Variants in PPP1R1C observed in about 807,000 individuals in gnomAD.
PPP1R1C encodes the protein protein phosphatase 1 regulatory subunit 1C.
PPP1R1C carries 15 observed loss-of-function variants against 17.4 expected under a neutral mutation model. The ratio of observed to expected loss-of-function variants is 0.86; its 90% confidence interval spans 0.58 to 1.33. The LOEUF is 1.33. Ranked by LOEUF, PPP1R1C falls within the 40% of genes most tolerant of loss-of-function variation. The probability of loss-of-function intolerance (pLI) is 0.00; values close to 1 mark genes in which losing one functional copy is unlikely to be tolerated. For missense variants in PPP1R1C, 143 were observed against 130.0 expected, an observed-to-expected ratio of 1.10 and a Z score of -0.48; for synonymous variants, 35 against 43.1, an observed-to-expected ratio of 0.81 and a Z score of 0.73.
chr2:182,055,988 GTCTT>G (rs1418921450), intron 2 of PPP1R1C, among the ~76,000 whole-genome samples: 2 of 152,002 alleles, frequency 1.3e-5, no homozygotes, highest in African/African-American at 2.4e-5. Flanking sequence ...ATGTTCTTGA[GTCTT>G]TCTTTATTCA....
At chr2:181,959,969 T>C (rs932297411) in intron 1 of PPP1R1C, among the ~76,000 whole-genome samples, 5 of 152,228 alleles carry the variant, frequency 3.3e-5, no homozygotes, top group African/African-American at 1.2e-4. Context: ...ATTAGGCTTT[T>C]ATTAGATGGC....
chr2:181,961,129 C>T lies in PPP1R1C; in HGVS notation n.111+6495C>T. ...GCAGTTTTCTTGTCTTCCTTCCCTC[C>T]CTTCCTTCCTTCCTTTCACCTCTGA... On this transcript the variant is annotated intron_variant and non_coding_transcript_variant, in intron 1 of 5. Transcript: ENST00000464264. This position sits in a 1 kb window ranked among gnomAD's most constrained non-coding sequence, Gnocchi z 5.8. 1.9e-6 allele frequency: 1 copy of T among 538,744 alleles called. No individual in the cohort carries two copies. Among genetic ancestry groups the T allele is most frequent in the Non-Finnish European group, 3.4e-6 (1 of 296,714 alleles). The allele number at this position is 538,744 out of a possible 1,614,324, so 33.4% of individuals were successfully genotyped here.
rs534882456 is a variant in PPP1R1C at position 182,063,681 on chromosome 2, G to A, written c.181-50G>A. 747 of 1,422,636 alleles carry A rather than the reference G, an allele frequency of 5.3e-4. 9 individuals carry two copies. The South Asian group carries it at 7.9e-3, about 15-fold the overall frequency. 88.1% of individuals were successfully genotyped at this position (1,422,636 alleles called of 1,614,324 possible). ...TTTCCCTCACAGGTCTGATGGCATC[G>A]TACTTTGTATCCAAATCTAAGGCTT... On this transcript the variant is annotated intron_variant, in intron 3 of 4. Transcript: ENST00000682840.
At chr2:182,124,217 T>C (rs566348483) in intron 5 of PPP1R1C, among the ~76,000 whole-genome samples, 1 of 152,182 alleles carries the variant, frequency 6.6e-6, no homozygotes, top group East Asian at 1.9e-4. Flanking sequence ...GGTCTATATA[T>C]CTGTTTTGGT....
intron 4 of PPP1R1C, among the ~76,000 whole-genome samples, chr2:182,088,367 C>G (rs147709579): frequency 3.3e-5 from 5 of 152,194 alleles, no homozygotes; most frequent in African/African-American, 1.2e-4. Flanking sequence ...AACATGTTCT[C>G]GGACCTCTTG....
At chr2:182,036,444 G>T (rs1687005669) in intron 2 of PPP1R1C, among the ~76,000 whole-genome samples, 1 of 152,116 alleles carries the variant, frequency 6.6e-6, no homozygotes, top group South Asian at 2.1e-4. Flanking sequence ...CTTATTTCAT[G>T]TATATAACTA....
At chr2:182,046,209 G>A (rs1013464009) in intron 2 of PPP1R1C, among the ~76,000 whole-genome samples, 1 of 150,910 alleles carries the variant, frequency 6.6e-6, no homozygotes, top group Non-Finnish European at 1.5e-5. Flanking sequence ...AAGTACCAGT[G>A]TGAATACATT....
At chr2:181,960,401 T>G (rs745921430) in intron 1 of PPP1R1C, among the ~76,000 whole-genome samples, 2 of 152,248 alleles carry the variant, frequency 1.3e-5, no homozygotes, top group Non-Finnish European at 2.9e-5. Context: ...GTAATGTCTG[T>G]TGATTTCCAG....
intron 2 of PPP1R1C, among the ~76,000 whole-genome samples, chr2:181,995,056 G>A (rs2125144992): frequency 6.6e-6 from 1 of 152,124 alleles, no homozygotes; most frequent in East Asian, 1.9e-4. Context: ...CTCTTCTAGG[G>A]GATAAAACAG....
chr2:182,064,008 A>C, intron 4 of PPP1R1C: 1 of 448,680 alleles, frequency 2.2e-6, no homozygotes, highest in Non-Finnish European at 4.0e-6. Context: ...TGATCTCAGA[A>C]TTTCAGTCTA....
chr2:181,956,715 A>T (rs1684676349), intron 1 of PPP1R1C, among the ~76,000 whole-genome samples: 1 of 152,118 alleles, frequency 6.6e-6, no homozygotes, highest in East Asian at 1.9e-4. Flanking sequence ...ATCTGTTCAT[A>T]TCCTTCATGT....
intron 5 of PPP1R1C, among the ~76,000 whole-genome samples, chr2:182,128,617 T>C (rs1176359547): frequency 1.3e-5 from 2 of 149,968 alleles, no homozygotes; most frequent in African/African-American, 5.0e-5. Context: ...TAGAAATGCA[T>C]GAACACACAT....
chr2:182,100,412 A>T (rs1335425706), intron 4 of PPP1R1C, among the ~76,000 whole-genome samples: 5 of 151,428 alleles, frequency 3.3e-5, no homozygotes, highest in Non-Finnish European at 5.9e-5. Flanking sequence ...CGGGAGGCTG[A>T]GGCAGGAGAA....
intron 5 of PPP1R1C, among the ~76,000 whole-genome samples, chr2:182,125,628 A>G (rs1054331018): frequency 9.2e-5 from 14 of 151,850 alleles, no homozygotes; most frequent in Admixed American, 8.5e-4. Context: ...GTCTTGGGAG[A>G]GTGTATATGT....
chr2:181,959,213 C>T (rs1684721592), intron 1 of PPP1R1C, among the ~76,000 whole-genome samples: 2 of 152,128 alleles, frequency 1.3e-5, no homozygotes, highest in African/African-American at 4.8e-5. Context: ...AAATTGAAAA[C>T]CTACGATTAA....
intron 4 of PPP1R1C, among the ~76,000 whole-genome samples, chr2:182,096,743 T>G (rs1437344575): frequency 6.6e-6 from 1 of 152,196 alleles, no homozygotes; most frequent in Non-Finnish European, 1.5e-5. Context: ...ATAGTTCTCT[T>G]TCCGCAAAAC....
intron 4 of PPP1R1C, among the ~76,000 whole-genome samples, chr2:182,079,856 C>T (rs950477317): frequency 6.6e-6 from 1 of 152,126 alleles, no homozygotes; most frequent in Non-Finnish European, 1.5e-5. Flanking sequence ...TCGTTTCTGT[C>T]TCACTCTTCC....
chr2:182,002,685 A>G (rs916852984), intron 2 of PPP1R1C, among the ~76,000 whole-genome samples: 1 of 152,154 alleles, frequency 6.6e-6, no homozygotes, highest in Non-Finnish European at 1.5e-5. Context: ...AAAACAAAAT[A>G]TTAGAGGATT....
In PPP1R1C at chr2:181,976,208, C is replaced by A. The variant is rs143865097; in HGVS notation, n.157+944C>A. On this transcript the variant is annotated intron_variant and non_coding_transcript_variant, in intron 2 of 5. Transcript: ENST00000464264. This position sits in a 1 kb window ranked among gnomAD's most constrained non-coding sequence, Gnocchi z 4.8. ...CATCACACACAAAAGTATAAGTAAG[C>A]GTGTATGTATATGTCAGTAGGTGTT... is the stretch of plus-strand genomic sequence containing the variant. Among the ~76,000 whole-genome samples, 1,329 of 151,932 alleles carry A rather than the reference C, an allele frequency of 8.7e-3. 10 individuals carry two copies. Among genetic ancestry groups the A allele is most frequent in the African/African-American group, 0.03 (1,227 of 41,440 alleles).
Sources: gnomAD v4.1 joint callset for allele counts (sites outside exome capture counted in the v4.1 genomes callset) on GRCh38, gnomAD v4.1.1 for gene constraint, Gnocchi (gnomAD v3.1) non-coding constraint, MANE v1.5 for transcripts, NCBI Gene and HGNC (gene_info 2026-07-23, HGNC 2026-07-21) for gene names.